The following SPTSSA variants were observed in gnomAD, a reference collection of about 807,000 sequenced individuals.
SPTSSA encodes serine palmitoyltransferase small subunit A, also known as small subunit of serine palmitoyltransferase A.
In SPTSSA, 8 loss-of-function variants were observed where a neutral mutation model predicts 9.1. The ratio of observed to expected loss-of-function variants is 0.88; its 90% CI spans 0.51 to 1.58. The LOEUF is 1.58. SPTSSA is among the 40% of genes most tolerant of loss of function. SPTSSA has a pLI of 0.00. For missense variants in SPTSSA, 100 were observed against 93.8 expected, an observed-to-expected ratio of 1.07 and a Z score of -0.27; for synonymous variants, 42 against 37.7, an observed-to-expected ratio of 1.11 and a Z score of -0.41.
At chr14:34,436,963 T>C (rs2138816077) in intron 1 of SPTSSA, among the ~76,000 whole-genome samples, 1 of 151,858 alleles carries the variant, frequency 6.6e-6, no homozygotes, top group East Asian at 1.9e-4. Context: ...GAAAGAAAAA[T>C]ATATACATTT....
rs1878633799 is a variant in SPTSSA, at chr14:34,462,118, C to A, written c.90G>T (p.Glu30Asp). The change falls in exon 1 of 2, where the codon GAG becomes GAT. Residue 30 changes from glutamate to aspartate, a missense_variant. Glu to Asp is a conservative substitution (Grantham distance 45). Transcript: ENST00000298130. The part of the protein sequence containing the change: ...YLLVTALYML[E>D]PWERTVFNSM... ...TACTGAACACCGTCCGCTCCCAGGGCTCCAGCATGTAGAGCGCCGTGACCA... is the reference window on the plus strand; with the variant it reads ...TACTGAACACCGTCCGCTCCCAGGGATCCAGCATGTAGAGCGCCGTGACCA... The A allele has an allele frequency of 6.6e-7, 1 of 1,520,608 alleles. No individual in the cohort carries two copies. Among genetic ancestry groups the A allele is most frequent in the Admixed American group, 1.9e-5 (1 of 51,918 alleles). The allele number at this position is 1,520,608 out of a possible 1,614,324, so 94.2% of individuals were successfully genotyped here.
chr14:34,448,012 T>C (rs1357823985), intron 1 of SPTSSA, among the ~76,000 whole-genome samples: 1 of 151,826 alleles, frequency 6.6e-6, no homozygotes, highest in African/African-American at 2.4e-5. Flanking sequence ...CCCAGCACTT[T>C]GGGAAGCTGA....
chr14:34,440,790 A>G (rs10143109), intron 1 of SPTSSA, among the ~76,000 whole-genome samples: 3,253 of 152,174 alleles, frequency 0.021, 93 homozygotes, highest in African/African-American at 0.065. Flanking sequence ...CTGAGGCAGG[A>G]GAATCGCTTG....
Position 34,435,279 on chromosome 14 carries a change from C to T in SPTSSA, c.138G>A (p.Gly46=). 1 of 1,612,410 alleles carries T rather than the reference C, an allele frequency of 6.2e-7. No individual in the cohort carries two copies. The highest frequency in any genetic ancestry group is 8.5e-7 in the Non-Finnish European group (1 of 1,178,970). ...VFNSMLVSIV[G]MALYTGYVFM... is the part of the protein sequence containing the mutation. Reference sequence around the variant, plus strand: ...AGACGTATCCTGTGTATAGTGCCATCCCCACAATGGAAACCAGCATGGAAT... The same window carrying T: ...AGACGTATCCTGTGTATAGTGCCATTCCCACAATGGAAACCAGCATGGAAT... The change falls in exon 2 of 2, where the codon GGG becomes GGA. Residue 46 remains glycine, a synonymous_variant. Transcript: ENST00000298130.
intron 1 of SPTSSA, among the ~76,000 whole-genome samples, chr14:34,455,033 C>T (rs1473561085): frequency 6.7e-6 from 1 of 148,964 alleles, no homozygotes; most frequent in Non-Finnish European, 1.5e-5. Context: ...GCTACAGTGA[C>T]CCAAGATTGC....
At chr14:34,443,864 T>A (rs1046006846) in intron 1 of SPTSSA, among the ~76,000 whole-genome samples, 12 of 151,996 alleles carry the variant, frequency 7.9e-5, no homozygotes, top group African/African-American at 2.7e-4. Context: ...AAAATTTGAG[T>A]CATATTTTTC....
rs1263178441 is a variant in SPTSSA at position 34,443,199 on chromosome 14, GTGTGTGTGTGTGTGTGT to G, written c.113-7912_113-7896del. ...TTGAGATTGAGTTTTCCTCTAGGGG[GTGTGTGTGTGTGTGTGT>G]GTGTGTGTGTGTGTGTGTGTGTTTT... On this transcript the variant is annotated intron_variant, in intron 1 of 1. Transcript: ENST00000298130. 9.0e-3 allele frequency among the ~76,000 whole-genome samples: 105 copies of G among 11,678 alleles called. 2 individuals are homozygous for G. The African/African-American group carries it at 0.12, about 13-fold the overall frequency. The allele number at this position is 11,678 out of a possible 152,430, so 7.7% of individuals were successfully genotyped here. A position where few individuals can be genotyped will look rare whatever the true frequency, so the allele number is the denominator to read the frequency against.
chr14:34,459,217 G>A (rs2138837283), intron 1 of SPTSSA, among the ~76,000 whole-genome samples: 1 of 152,012 alleles, frequency 6.6e-6, no homozygotes, highest in South Asian at 2.1e-4. Context: ...CGGATCACTT[G>A]AGGTCAGGAG....
intron 1 of SPTSSA, among the ~76,000 whole-genome samples, chr14:34,437,637 A>G (rs1183773319): frequency 6.6e-6 from 1 of 152,174 alleles, no homozygotes; most frequent in East Asian, 1.9e-4. Context: ...GAATCTTGCA[A>G]TCACTGGAGT....
intron 1 of SPTSSA, among the ~76,000 whole-genome samples, chr14:34,458,414 A>T (rs1334383789): frequency 2.0e-5 from 3 of 151,510 alleles, no homozygotes; most frequent in African/African-American, 7.3e-5. Context: ...ACATTCCTGG[A>T]CTCCAGCTAT....
In SPTSSA at chr14:34,442,821, G is replaced by A. The variant is rs151051222; in HGVS notation, c.113-7517C>T. Among the ~76,000 whole-genome samples, 1,112 of 152,224 alleles carry A rather than the reference G, an allele frequency of 7.3e-3. 17 individuals are homozygous for A. The highest frequency in any genetic ancestry group is 0.025 in the African/African-American group (1,053 of 41,532). ...AAATGTCATGGAGACTGCTTTACCC[G>A]AAATTTTGGTTCACAGCCTTCCTTG... On this transcript the variant is annotated intron_variant, in intron 1 of 1. Coordinates refer to ENST00000298130, the MANE Select transcript of SPTSSA (RefSeq NM_138288.4).
chr14:34,449,661 C>A (rs1046481749), intron 1 of SPTSSA, among the ~76,000 whole-genome samples: 1 of 151,920 alleles, frequency 6.6e-6, no homozygotes, highest in African/African-American at 2.4e-5. Flanking sequence ...TGCCACCACG[C>A]CCAGCTGATT....
intron 1 of SPTSSA, among the ~76,000 whole-genome samples, chr14:34,447,177 T>G (rs936549793): frequency 6.8e-6 from 1 of 147,488 alleles, no homozygotes; most frequent in East Asian, 2.0e-4. Context: ...TGAGCCAAGA[T>G]TGTGCCATGG....
chr14:34,435,138 T>C lies in SPTSSA; in HGVS notation c.*63A>G. ...AAGAGTTTCTTATCACATCTGATGG[T>C]CTCATTCCAACTTCGTAGGGTGGGT... On this transcript the variant is annotated 3_prime_UTR_variant, in exon 2 of 2. Coordinates refer to ENST00000298130, the MANE Select transcript of SPTSSA (RefSeq NM_138288.4). 7.7e-7 allele frequency: 1 copy of C among 1,301,766 alleles called. No individual in the cohort carries two copies. The highest frequency in any genetic ancestry group is 1.1e-6 in the Non-Finnish European group (1 of 910,240). 80.6% of individuals were successfully genotyped at this position (1,301,766 alleles called of 1,614,324 possible). A position where few individuals can be genotyped will look rare whatever the true frequency, so the allele number is the denominator to read the frequency against.
intron 1 of SPTSSA, among the ~76,000 whole-genome samples, chr14:34,438,342 C>T (rs1883270989): frequency 6.6e-6 from 1 of 152,036 alleles, no homozygotes; most frequent in South Asian, 2.1e-4. Flanking sequence ...GGTGAGCACA[C>T]CTAATCCAGT....
Position 34,432,880 on chromosome 14 carries a change from C to G in SPTSSA, c.*2321G>C, listed in dbSNP as rs1408668973. ...ATGCTACTGCACACTTAATAGACTA[C>G]AGGATGGTGTAAATGTAACTTTTAT... On this transcript the variant is annotated 3_prime_UTR_variant, in exon 2 of 2. Coordinates refer to ENST00000298130, the MANE Select transcript of SPTSSA (RefSeq NM_138288.4). The G allele has an allele frequency of 6.6e-6, 1 of 151,470 alleles. No individual in the cohort carries two copies. Among genetic ancestry groups the G allele is most frequent in the Non-Finnish European group, 1.5e-5 (1 of 67,938 alleles). The allele number at this position is 151,470 out of a possible 1,614,324, so 9.4% of individuals were successfully genotyped here. A position where few individuals can be genotyped will look rare whatever the true frequency, so the allele number is the denominator to read the frequency against.
chr14:34,438,498 T>C (rs1883273536), intron 1 of SPTSSA, among the ~76,000 whole-genome samples: 1 of 152,118 alleles, frequency 6.6e-6, no homozygotes, highest in South Asian at 2.1e-4. Context: ...TCACCTTCCA[T>C]ACTGCAGACA....
Position 34,462,015 on chromosome 14 carries a change from C to G in SPTSSA, c.112+81G>C, listed in dbSNP as rs1311055693. The G allele has an allele frequency of 5.7e-6, 6 of 1,060,836 alleles. No individual in the cohort carries two copies. In the East Asian group the frequency reaches 2.2e-4, roughly 40 times the overall value. 65.7% of individuals were successfully genotyped at this position (1,060,836 alleles called of 1,614,324 possible). ...GGGGCCGCCGCTCCAGCCTCCACCC[C>G]AGGCCCGGGGCCTGGGGAAATGCGG... On this transcript the variant is annotated intron_variant, in intron 1 of 1. Coordinates refer to ENST00000298130, the MANE Select transcript of SPTSSA (RefSeq NM_138288.4).
intron 1 of SPTSSA, among the ~76,000 whole-genome samples, chr14:34,459,091 T>C (rs1878557268): frequency 6.6e-6 from 1 of 151,904 alleles, no homozygotes; most frequent in Non-Finnish European, 1.5e-5. Flanking sequence ...TTTTTAAAAA[T>C]GCATTATATA....
Sources: allele counts gnomAD v4.1 joint callset (sites outside exome capture counted in the v4.1 genomes callset), GRCh38; gene constraint gnomAD v4.1.1; transcripts MANE v1.5; gene names NCBI Gene and HGNC (gene_info 2026-07-23, HGNC 2026-07-21).